The following SPATS2 variants were observed in gnomAD, a reference collection of about 807,000 sequenced individuals.
SPATS2 encodes the protein spermatogenesis-associated serine-rich protein 2.
Under a neutral mutation model 63.7 loss-of-function variants are expected in SPATS2, and 38 were observed. The ratio of observed to expected loss-of-function variants is 0.60; its 90% CI spans 0.46 to 0.78. The LOEUF (loss-of-function observed/expected upper bound fraction) is 0.78, where lower values mean the gene tolerates loss of function less well. Among genes scored for constraint, SPATS2 ranks in the 30% least tolerant of loss-of-function variants. The pLI is 0.00. For missense variants in SPATS2, 588 were observed against 666.2 expected, an observed-to-expected ratio of 0.88 and a Z score of 1.29; for synonymous variants, 207 against 232.9, an observed-to-expected ratio of 0.89 and a Z score of 1.01.
chr12:49,496,804 T>G (rs969015536), intron 7 of SPATS2, 29 bp from the exon 8 acceptor site: 21 of 1,604,048 alleles, frequency 1.3e-5, no homozygotes, highest in Non-Finnish European at 1.8e-5. Flanking sequence ...TAAATTGTGC[T>G]CTAAAGTACA....
In SPATS2 at chr12:49,526,129, G is replaced by C; in HGVS notation, c.1512G>C (p.Gln504His). ...CAGGAAACACCATTGAAAGAGGCCA[G>C]ACTCACTCTGCAGGGACCAATGGAA... Reference protein sequence around the residue: ...QAPGNTIERGQTHSAGTNGTG... With the variant: ...QAPGNTIERGHTHSAGTNGTG... Residue 504 changes from glutamine (Q) to histidine (H), a missense_variant, in exon 14 of 14, where the codon CAG becomes CAC. Physicochemically the swap from Gln to His is conservative, Grantham distance 24. Coordinates refer to ENST00000552918, the MANE Select transcript of SPATS2 (RefSeq NM_023071.4). 1.2e-6 allele frequency: 2 copies of C among 1,614,196 alleles called. No individual in the cohort carries two copies. The highest frequency in any genetic ancestry group is 3.3e-5 in the Admixed American group (2 of 60,026).
At position 49,388,696 on chromosome 12, in the gene SPATS2, CT is replaced by C. The variant is rs76248274; in HGVS notation, c.-244+17420del. On this transcript the variant is annotated intron_variant, in intron 2 of 13. Transcript: ENST00000552918. ...TAGCCTTGAACCACATTTTTTTTTC[CT>C]TTTTTTTTTTTTTAAGAGACAAGGT... Among the ~76,000 whole-genome samples the C allele has an allele frequency of 5.5e-3, 748 of 135,798 alleles. 1 individual carries two copies. The highest frequency in any genetic ancestry group is 5.8e-3 in the Non-Finnish European group (360 of 62,474). 89.1% of individuals were successfully genotyped at this position (135,798 alleles called of 152,430 possible). A position where few individuals can be genotyped will look rare whatever the true frequency, so the allele number is the denominator to read the frequency against.
At chr12:49,404,713 C>T (rs1406059456) in intron 2 of SPATS2, among the ~76,000 whole-genome samples, 2 of 152,040 alleles carry the variant, frequency 1.3e-5, no homozygotes, top group Non-Finnish European at 2.9e-5. Flanking sequence ...CTTGTTTTAC[C>T]CAGGGGAACA....
In SPATS2 at chr12:49,483,839, G is replaced by A. The variant is rs978696860; in HGVS notation, c.26-751G>A. Among the ~76,000 whole-genome samples the A allele has an allele frequency of 4.6e-5, 7 of 152,160 alleles. No homozygotes were observed. The South Asian group carries it at 1.4e-3, about 32-fold the overall frequency. ...AATCACAACCTACATTTTAGCATAAGATTCCCTAGGTGGTAAGTATGCACA... is the reference window on the plus strand; with the variant it reads ...AATCACAACCTACATTTTAGCATAAAATTCCCTAGGTGGTAAGTATGCACA... On this transcript the variant is annotated intron_variant, in intron 3 of 13. Transcript: ENST00000552918.
intron 3 of SPATS2, among the ~76,000 whole-genome samples, chr12:49,471,515 A>G (rs1235945629): frequency 1.3e-5 from 2 of 152,114 alleles, no homozygotes; most frequent in African/African-American, 4.8e-5. Flanking sequence ...AAATTTTTAT[A>G]GAGACAGGAT....
chr12:49,458,233 G>A (rs940575833), intron 2 of SPATS2, among the ~76,000 whole-genome samples: 5 of 152,182 alleles, frequency 3.3e-5, no homozygotes, highest in African/African-American at 9.6e-5. Context: ...TTCAGGAGGC[G>A]GAGGCAGACT....
At chr12:49,405,922 T>C (rs1944686496) in intron 2 of SPATS2, among the ~76,000 whole-genome samples, 1 of 152,226 alleles carries the variant, frequency 6.6e-6, no homozygotes, top group African/African-American at 2.4e-5. Flanking sequence ...TCTTCCATTT[T>C]AAATAACAAT....
In SPATS2 at chr12:49,494,799, A is replaced by C; in HGVS notation, c.323A>C (p.Asp108Ala). The C allele has an allele frequency of 6.2e-7, 1 of 1,613,104 alleles. No homozygotes were observed. Among genetic ancestry groups the C allele is most frequent in the Non-Finnish European group, 8.5e-7 (1 of 1,179,552 alleles). ...GCAGAACCAAGTAACGGCATCCCAG[A>C]TTCCAGTAAATCAGTTTCCATTCAA... ...PAAEPSNGIP[D>A]SSKSVSIQEE... The change falls in exon 7 of 14, where the codon GAT becomes GCT. Residue 108 changes from aspartate to alanine, a missense_variant. Transcript: ENST00000552918.
intron 9 of SPATS2, 89 bp downstream of exon 9, chr12:49,500,294 C>G: frequency 2.2e-6 from 3 of 1,364,372 alleles, no homozygotes; most frequent in Admixed American, 4.9e-5. Flanking sequence ...TTCATTCATT[C>G]ATGACTAACT....
chr12:49,514,941 T>C (rs1272478389), intron 10 of SPATS2, among the ~76,000 whole-genome samples: 1 of 152,226 alleles, frequency 6.6e-6, no homozygotes, highest in East Asian at 1.9e-4. Flanking sequence ...TTTTTTCTAC[T>C]TGGAAAAAAA....
chr12:49,460,717 T>A, intron 2 of SPATS2, 53 bp from the exon 3 acceptor site: 1 of 343,048 alleles, frequency 2.9e-6, no homozygotes, highest in Non-Finnish European at 5.2e-6. Context: ...AGAAATTTTG[T>A]ACAGATAGTC....
chr12:49,481,876 A>C (rs1476815823), intron 3 of SPATS2, among the ~76,000 whole-genome samples: 1 of 152,122 alleles, frequency 6.6e-6, no homozygotes, highest in Non-Finnish European at 1.5e-5. Flanking sequence ...TTTCTGATAG[A>C]ATACATGCTC....
intron 1 of SPATS2, among the ~76,000 whole-genome samples, chr12:49,369,899 T>G (rs1943969084): frequency 6.6e-6 from 1 of 152,120 alleles, no homozygotes; most frequent in African/African-American, 2.4e-5. Context: ...AGTACTCAGG[T>G]GCCCTTGAGC....
chr12:49,394,911 A>C (rs1000194211), intron 2 of SPATS2, among the ~76,000 whole-genome samples: 1 of 141,924 alleles, frequency 7.0e-6, no homozygotes, highest in Non-Finnish European at 1.5e-5. Flanking sequence ...TACTAAAAAT[A>C]CAAAAAAAAA....
intron 2 of SPATS2, among the ~76,000 whole-genome samples, chr12:49,389,237 C>G (rs1944375102): frequency 6.6e-6 from 1 of 152,148 alleles, no homozygotes; most frequent in South Asian, 2.1e-4. Flanking sequence ...CACCGTAACG[C>G]GAGGAAGGAA....
At chr12:49,413,326 G>T (rs2137372424) in intron 2 of SPATS2, among the ~76,000 whole-genome samples, 1 of 152,212 alleles carries the variant, frequency 6.6e-6, no homozygotes, top group African/African-American at 2.4e-5. Flanking sequence ...CTATTTTCGT[G>T]TAGTCACTCC....
chr12:49,427,811 A>G (rs1945107320), intron 2 of SPATS2, among the ~76,000 whole-genome samples: 1 of 152,152 alleles, frequency 6.6e-6, no homozygotes, highest in Admixed American at 6.6e-5. Context: ...TTATAATTTT[A>G]ATGTCTGTAA....
chr12:49,466,187 G>T (rs189569861), intron 3 of SPATS2, among the ~76,000 whole-genome samples: 1 of 151,450 alleles, frequency 6.6e-6, no homozygotes, highest in African/African-American at 2.4e-5. Flanking sequence ...TTTTTGAAAC[G>T]GAGTCTCTCT....
At chr12:49,493,062 C>G (rs1946408999) in intron 6 of SPATS2, among the ~76,000 whole-genome samples, 1 of 148,596 alleles carries the variant, frequency 6.7e-6, no homozygotes, top group African/African-American at 2.5e-5. Flanking sequence ...TGCACCATTG[C>G]ACTCCAGCCT....
Sources: allele counts gnomAD v4.1 joint callset (sites outside exome capture counted in the v4.1 genomes callset), GRCh38; gene constraint gnomAD v4.1.1; transcripts MANE v1.5; gene names NCBI Gene and HGNC (gene_info 2026-07-23, HGNC 2026-07-21).